Variants in CHAF1A observed in about 807,000 individuals in gnomAD.
CHAF1A encodes the protein CAF-1 subunit A.
In CHAF1A, 5 loss-of-function variants were observed where a neutral mutation model predicts 93.2. That is an observed-to-expected ratio of 0.05 (90% CI 0.03 to 0.11). CHAF1A has a LOEUF of 0.11. Ranked by LOEUF, CHAF1A falls within the 10% of genes least tolerant of loss-of-function variation. The pLI is 1.00. For synonymous variants in CHAF1A, 504 were observed against 510.3 expected (o/e 0.99, Z 0.17); for missense variants, 1,102 against 1,259.9 (o/e 0.87, Z 1.90).
chr19:4,448,691 C>T (rs1435013170), downstream of CHAF1A: 4 of 484,902 alleles, frequency 8.2e-6, no homozygotes, highest in East Asian at 3.7e-5. Context: ...GCCAGTGTGA[C>T]GCGACAGAAC....
intron 7 of CHAF1A, among the ~76,000 whole-genome samples, chr19:4,424,727 C>T (rs551136854): frequency 2.6e-5 from 4 of 152,290 alleles, no homozygotes; most frequent in South Asian, 2.1e-4. Flanking sequence ...GTCCACCTCC[C>T]GGGTTCCAGT....
chr19:4,412,231 T>C (rs571300638), intron 3 of CHAF1A, among the ~76,000 whole-genome samples: 110 of 152,308 alleles, frequency 7.2e-4, no homozygotes, highest in African/African-American at 2.6e-3. Flanking sequence ...CGTCCTGTGA[T>C]GTGAGCCATT....
At chr19:4,438,960 C>T (rs900062461) in intron 13 of CHAF1A, among the ~76,000 whole-genome samples, 9 of 151,844 alleles carry the variant, frequency 5.9e-5, no homozygotes, top group East Asian at 3.9e-4. Context: ...CCAGCCTGGG[C>T]AACAGAGCGG....
downstream of CHAF1A, chr19:4,448,341 C>T (rs1417976242): frequency 1.9e-6 from 3 of 1,609,250 alleles, no homozygotes; most frequent in Non-Finnish European, 2.5e-6. Context: ...CCACACCCAG[C>T]TTCACCCGGT....
rs1974164300 is a variant in CHAF1A at position 4,430,588 on chromosome 19, G to A, written c.1894G>A (p.Asp632Asn). The change falls in exon 11 of 15, where the codon GAT (aspartate) becomes AAT (asparagine). Residue 632 changes from aspartate to asparagine, a missense_variant. Around this residue, in one of 6 missense-constraint regions of CHAF1A, gnomAD observed 335 missense variants for 361.9 expected, o/e 0.93. Coordinates refer to ENST00000301280, the MANE Select transcript of CHAF1A (RefSeq NM_005483.3). ...CATGGGAGAGGATGAAGATGAGGAC[G>A]ATGGTTTCTTTGTGCCCCATGGGTA... ...DDMGEDEDED[D>N]GFFVPHGYLS... 5 of 1,613,570 alleles carry A rather than the reference G, an allele frequency of 3.1e-6. No homozygotes were observed. The highest frequency in any genetic ancestry group is 4.2e-6 in the Non-Finnish European group (5 of 1,179,660).
In CHAF1A at chr19:4,433,145, A is replaced by G. The variant is rs570534270; in HGVS notation, c.2279A>G (p.His760Arg). Residue 760 changes from histidine to arginine, a missense_variant, in exon 13 of 15, where the codon CAC (histidine) becomes CGC (arginine). By Grantham distance (29) the His-to-Arg change is conservative (BLOSUM62 0). Transcript: ENST00000301280. The surrounding 1 kb of genome is among the most constrained non-coding windows in gnomAD (Gnocchi z 5.6). ...GTCATCATCCGGGAGTTCCAGGAGC[A>G]CTGCCGCCGGGGACTGCTCAGCAAC... ...SKVIIREFQE[H>R]CRRGLLSNHT... 9 of 1,612,550 alleles carry G rather than the reference A, an allele frequency of 5.6e-6. No homozygotes were observed. The highest frequency in any genetic ancestry group is 2.7e-5 in the African/African-American group (2 of 75,022).
At chr19:4,404,699 T>C (rs1973648664) in intron 1 of CHAF1A, among the ~76,000 whole-genome samples, 1 of 152,202 alleles carries the variant, frequency 6.6e-6, no homozygotes, top group Non-Finnish European at 1.5e-5. Flanking sequence ...AAAACATACG[T>C]AGATTAACCA....
chr19:4,437,383 T>G lies in CHAF1A; in HGVS notation c.2673+3844T>G, dbSNP rs533627814. Among the ~76,000 whole-genome samples the G allele has an allele frequency of 2.0e-5, 3 of 152,102 alleles. No homozygotes were observed. In the East Asian group the frequency reaches 5.8e-4, roughly 29 times the overall value. ...CTGTTTTTTTTTGACAGGGTCTCAC[T>G]CTGTTACCTAGGCCGGAGTGCAATG... On this transcript the variant is annotated intron_variant, in intron 13 of 14. Transcript: ENST00000301280.
Position 4,441,916 on chromosome 19 carries a change from A to G in CHAF1A, c.2674-329A>G, listed in dbSNP as rs114464242. ...CCGTCTCAAAAAAAAATAAAAATAA[A>G]TAAATACAGTTGTAATCTGATGGGG... is the stretch of plus-strand genomic sequence containing the variant. On this transcript the variant is annotated intron_variant, in intron 13 of 14. Coordinates refer to ENST00000301280, the MANE Select transcript of CHAF1A (RefSeq NM_005483.3). Among the ~76,000 whole-genome samples the G allele has an allele frequency of 9.6e-3, 1,462 of 152,334 alleles. 21 individuals carry two copies. Among genetic ancestry groups the G allele is most frequent in the African/African-American group, 0.032 (1,345 of 41,572 alleles).
rs1974125891 is a variant in CHAF1A, at chr19:4,428,594, C to T, written c.1378-70C>T. The T allele has an allele frequency of 2.3e-6, 3 of 1,322,920 alleles. No individual in the cohort carries two copies. The Admixed American group carries it at 5.2e-5, about 23-fold the overall frequency. 81.9% of individuals were successfully genotyped at this position (1,322,920 alleles called of 1,614,324 possible). Reference sequence around the variant, plus strand: ...CTGGATGAATCCCACCAGCACCCTGCTGTGTGCGTCCATGGTGCCTCCTTT... The same window carrying T: ...CTGGATGAATCCCACCAGCACCCTGTTGTGTGCGTCCATGGTGCCTCCTTT... On this transcript the variant is annotated intron_variant, in intron 7 of 14. Coordinates refer to ENST00000301280, the MANE Select transcript of CHAF1A (RefSeq NM_005483.3).
At position 4,433,341 on chromosome 19, in the gene CHAF1A, A is replaced by G. The variant is rs2145134193; in HGVS notation, c.2475A>G (p.Leu825=). The change falls in exon 13 of 15, where the codon CTA becomes CTG. Residue 825 remains leucine, a synonymous_variant. Coordinates refer to ENST00000301280, the MANE Select transcript of CHAF1A (RefSeq NM_005483.3). This position sits in a 1 kb window ranked among gnomAD's most constrained non-coding sequence, Gnocchi z 5.6. ...RMCWYVHPQV[L]QSFQQEHLPV... is the part of the protein sequence containing the mutation. ...GCTGGTACGTGCACCCGCAGGTGCT[A>G]CAGAGCTTCCAGCAGGAGCACCTGC... The G allele has an allele frequency of 6.2e-7, 1 of 1,613,594 alleles. No homozygotes were observed. The highest frequency in any genetic ancestry group is 8.5e-7 in the Non-Finnish European group (1 of 1,179,560).
Position 4,408,912 on chromosome 19 carries a change from C to T in CHAF1A, c.113C>T (p.Pro38Leu), listed in dbSNP as rs866626587. 6.2e-7 allele frequency: 1 copy of T among 1,600,404 alleles called. No individual in the cohort carries two copies. Among genetic ancestry groups the T allele is most frequent in the Non-Finnish European group, 8.5e-7 (1 of 1,175,354 alleles). ...PVKKLIQARL[P>L]FKRLNLVPKG... ...TCTGTCTTTGTTTCAGCCCGTCTGC[C>T]GTTTAAGCGCCTGAATCTTGTCCCA... The change falls in exon 3 of 15, where the codon CCG becomes CTG. Residue 38 changes from proline to leucine, a missense_variant. Pro to Leu is a moderately conservative substitution (Grantham distance 98, BLOSUM62 -3). Transcript: ENST00000301280.
intron 11 of CHAF1A, 72 bp from the exon 12 acceptor site, chr19:4,431,880 G>C: frequency 6.5e-7 from 1 of 1,529,910 alleles, no homozygotes; most frequent in Non-Finnish European, 8.8e-7. Context: ...GCTGGGGACT[G>C]GTTCCTCAAA....
chr19:4,446,115 C>T (rs779509236), downstream of CHAF1A: 1 of 1,612,716 alleles, frequency 6.2e-7, no homozygotes, highest in Non-Finnish European at 8.5e-7. Context: ...AGGCCAGCAG[C>T]TCAAAAGGCA....
chr19:4,441,374 C>G (rs971501234), intron 13 of CHAF1A, among the ~76,000 whole-genome samples: 1 of 151,968 alleles, frequency 6.6e-6, no homozygotes, highest in Non-Finnish European at 1.5e-5. Context: ...CTTTGGGAGG[C>G]TGAGGTGGGT....
intron 3 of CHAF1A, among the ~76,000 whole-genome samples, chr19:4,413,972 C>T (rs566459729): frequency 2.6e-5 from 4 of 152,282 alleles, no homozygotes; most frequent in East Asian, 1.9e-4. Context: ...TGTTAGTGAT[C>T]GAGATGATTA....
At chr19:4,448,621 C>G (rs182781263), downstream of CHAF1A, 2,254 of 590,538 alleles carry the variant, frequency 3.8e-3, 8 homozygotes, top group Non-Finnish European at 5.8e-3. Flanking sequence ...GCAGCCAAGA[C>G]CCAGCAGAAC....
chr19:4,445,920 A>C, downstream of CHAF1A: 16 of 1,434,468 alleles, frequency 1.1e-5, no homozygotes, highest in African/African-American at 1.4e-5. Flanking sequence ...AGCAGGATTC[A>C]AACCCAGGGA....
At chr19:4,446,918 C>T, downstream of CHAF1A, 1 of 1,613,806 alleles carries the variant, frequency 6.2e-7, no homozygotes, top group Non-Finnish European at 8.5e-7. Context: ...AGTTAATGCG[C>T]TCCTGGGGGT....
Sources: allele counts gnomAD v4.1 joint callset (sites outside exome capture counted in the v4.1 genomes callset), GRCh38; gene constraint gnomAD v4.1.1; regional missense constraint gnomAD v4.1.1; non-coding constraint Gnocchi (gnomAD v3.1); transcripts MANE v1.5; gene names NCBI Gene and HGNC (gene_info 2026-07-23, HGNC 2026-07-21).